Variants in MAPDA observed in about 807,000 individuals in gnomAD.
The protein encoded by MAPDA is N6,N6-dimethyl-AMP deaminase.
the MAPDA span, chr15:43,330,584 C>G: frequency 2.2e-6 from 3 of 1,386,366 alleles, no homozygotes; most frequent in South Asian, 1.6e-5. Flanking sequence ...GGAAAAAAAC[C>G]ACCCATGCTC....
chr15:43,348,922 AAAG>A, the MAPDA span: 1 of 1,613,916 alleles, frequency 6.2e-7, no homozygotes. Context: ...AAACCAAAAA[AAAG>A]AAACACAAAT....
chr15:43,349,442 C>A, the MAPDA span: 1 of 699,784 alleles, frequency 1.4e-6, no homozygotes, highest in Non-Finnish European at 1.8e-6. Flanking sequence ...TTGATCATTA[C>A]ACACTTGATT....
the MAPDA span, among the ~76,000 whole-genome samples, chr15:43,331,095 A>G: frequency 3.3e-5 from 5 of 152,228 alleles, no homozygotes; most frequent in Non-Finnish European, 7.3e-5. Context: ...GACCTTTACA[A>G]ATAATTTATA....
the MAPDA span, chr15:43,332,420 C>A: frequency 9.3e-5 from 14 of 151,120 alleles, no homozygotes; most frequent in Admixed American, 2.6e-4. Context: ...TTGAAAAATA[C>A]GTAGCACCAT....
At chr15:43,349,062 C>T in the MAPDA span, 1 of 1,614,040 alleles carries the variant, frequency 6.2e-7, no homozygotes, top group Non-Finnish European at 8.5e-7. Context: ...CTTGGAGTTT[C>T]AGGTCTTCCA....
At chr15:43,335,011 GA>G in the MAPDA span, 1 of 1,247,052 alleles carries the variant, frequency 8.0e-7, no homozygotes. Context: ...AAAGCAATCT[GA>G]AGGAAATTCA....
the MAPDA span, chr15:43,340,481 T>C: frequency 1.4e-6 from 1 of 712,378 alleles, no homozygotes; most frequent in Non-Finnish European, 2.3e-6. Context: ...TCATTGAACC[T>C]TTAGTCAACA....
At chr15:43,341,548 G>C in the MAPDA span, among the ~76,000 whole-genome samples, 1 of 152,140 alleles carries the variant, frequency 6.6e-6, no homozygotes, top group Non-Finnish European at 1.5e-5. Flanking sequence ...ATTTAAAAAT[G>C]TGTATATGGG....
chr15:43,331,832 G>C, the MAPDA span: 1 of 152,132 alleles, frequency 6.6e-6, no homozygotes, highest in East Asian at 1.9e-4. Context: ...TAACTCAGAA[G>C]GAAAAAAGGG....
the MAPDA span, among the ~76,000 whole-genome samples, chr15:43,349,589 CAGT>C: frequency 6.6e-6 from 1 of 152,112 alleles, no homozygotes; most frequent in Non-Finnish European, 1.5e-5. Flanking sequence ...AAGAAAGTAT[CAGT>C]GTTCTGTGAA....
At chr15:43,332,019 G>A in the MAPDA span, 1 of 152,234 alleles carries the variant, frequency 6.6e-6, no homozygotes, top group African/African-American at 2.4e-5. Context: ...ACTTGGAATA[G>A]ATAGAAATGG....
At chr15:43,330,858 A>T in the MAPDA span, 1 of 178,650 alleles carries the variant, frequency 5.6e-6, no homozygotes, top group East Asian at 1.5e-4. Flanking sequence ...AATCTCTAAG[A>T]GGTGAGTCTG....
the MAPDA span, among the ~76,000 whole-genome samples, chr15:43,342,553 C>G: frequency 5.3e-5 from 8 of 151,658 alleles, no homozygotes; most frequent in Non-Finnish European, 1.2e-4. Context: ...AGTTTGAGAC[C>G]AGCTTGGGCA....
the MAPDA span, chr15:43,345,937 C>CT: frequency 1.2e-5 from 19 of 1,614,082 alleles, no homozygotes; most frequent in Non-Finnish European, 1.6e-5. Context: ...TTCCTTTCTA[C>CT]TGAGGGTACA....
chr15:43,345,753 A>ATG, the MAPDA span: 3 of 1,397,302 alleles, frequency 2.1e-6, no homozygotes. Flanking sequence ...TCCTAGTGAG[A>ATG]TGTATTACAC....
the MAPDA span, chr15:43,347,019 G>T: frequency 1.2e-6 from 2 of 1,613,384 alleles, no homozygotes; most frequent in Non-Finnish European, 1.7e-6. Flanking sequence ...CTTTAAGGTA[G>T]GACAAGCAAA....
chr15:43,345,479 G>A, the MAPDA span, among the ~76,000 whole-genome samples: 4 of 152,098 alleles, frequency 2.6e-5, no homozygotes, highest in African/African-American at 9.7e-5. Context: ...TACAAGAAAA[G>A]CAGGGTGGGA....
the MAPDA span, chr15:43,330,436 G>A: frequency 6.4e-7 from 1 of 1,555,770 alleles, no homozygotes; most frequent in Non-Finnish European, 8.6e-7. Flanking sequence ...GGGCGCTGCT[G>A]TCGTTGGTGT....
chr15:43,349,130 T>A, the MAPDA span: 4 of 1,593,372 alleles, frequency 2.5e-6, no homozygotes, highest in Non-Finnish European at 3.4e-6. Flanking sequence ...AGAGAAGTAC[T>A]GTTCTAAAAG....
Sources: allele counts gnomAD v4.1 joint callset (sites outside exome capture counted in the v4.1 genomes callset), GRCh38; gene constraint gnomAD v4.1.1; transcripts MANE v1.5; gene names NCBI Gene and HGNC (gene_info 2026-07-23, HGNC 2026-07-21).